STIM2: variants seen among roughly 807,000 people sequenced by gnomAD.
The protein encoded by STIM2 is stromal interaction molecule 2.
STIM2 carries 31 observed loss-of-function variants against 85.8 expected under a neutral mutation model. The observed-to-expected ratio is 0.36, with a 90% CI of 0.27 to 0.49. The LOEUF (loss-of-function observed/expected upper bound fraction) is 0.49, where lower values mean the gene tolerates loss of function less well. STIM2 is among the 20% of genes least tolerant of loss of function. The pLI, the probability that STIM2 is intolerant of heterozygous loss-of-function variation, is 0.98. For missense variants in STIM2, 841 were observed against 927.6 expected (o/e 0.91, Z 1.21); for synonymous variants, 356 against 331.1 (o/e 1.08, Z -0.82).
Position 27,021,423 on chromosome 4 carries a change from A to G in STIM2, c.1764-1096A>G, listed in dbSNP as rs116656993. On this transcript the variant is annotated intron_variant, in intron 11 of 11. Transcript: ENST00000467087. ...AGAAGTAAGCCACGTGGAGATGGAG[A>G]GTAGATAACACCAAGCAGAGGGAAC... The G allele has an allele frequency of 1.7e-3, 782 of 454,022 alleles. 7 individuals are homozygous for G. The highest frequency in any genetic ancestry group is 0.014 in the African/African-American group (716 of 50,114). The allele number at this position is 454,022 out of a possible 1,614,324, so 28.1% of individuals were successfully genotyped here. A position where few individuals can be genotyped will look rare whatever the true frequency, so the allele number is the denominator to read the frequency against.
At position 26,868,069 on chromosome 4, in the gene STIM2, G is replaced by A. The variant is rs115397103; in HGVS notation, c.151+6700G>A. On this transcript the variant is annotated intron_variant, in intron 1 of 11. Transcript: ENST00000467087. ...AGTAATTTCCTTTCTACTAGGCTTT[G>A]TCAGCCATATCCTTTAAAGTGAAAC... 1.5e-3 allele frequency among the ~76,000 whole-genome samples: 231 copies of A among 152,314 alleles called. 2 individuals carry two copies. The highest frequency in any genetic ancestry group is 9.5e-3 in the South Asian group (46 of 4,824).
At chr4:26,927,735 C>G (rs1389900980) in intron 2 of STIM2, among the ~76,000 whole-genome samples, 3 of 62,218 alleles carry the variant, frequency 4.8e-5, no homozygotes, top group Non-Finnish European at 6.6e-5. Context: ...ACTGACTGAA[C>G]TTAGCCAACT....
intron 1 of STIM2, among the ~76,000 whole-genome samples, chr4:26,873,153 A>G (rs558385983): frequency 1.1e-4 from 17 of 152,290 alleles, no homozygotes; most frequent in Admixed American, 1.0e-3. Flanking sequence ...TAATCCCCAC[A>G]CTTTGGGAGG....
chr4:26,922,929 A>G lies in STIM2; in HGVS notation c.282+3295A>G, dbSNP rs548719290. Among the ~76,000 whole-genome samples, 23 of 152,230 alleles carry G rather than the reference A, an allele frequency of 1.5e-4. No individual in the cohort carries two copies. The East Asian group carries it at 4.4e-3, about 29-fold the overall frequency. ...ACAAAGACCAAATATATTTCTCATT[A>G]TATATATTATATATTAACAGTAACC... On this transcript the variant is annotated intron_variant, in intron 2 of 11. Transcript: ENST00000467087.
intron 1 of STIM2, among the ~76,000 whole-genome samples, chr4:26,908,511 A>T (rs1443834543): frequency 6.6e-6 from 1 of 152,130 alleles, no homozygotes; most frequent in Non-Finnish European, 1.5e-5. Context: ...TTTGAGACAG[A>T]GTCTTGCTGT....
chr4:26,930,605 A>G (rs986041208), intron 2 of STIM2, among the ~76,000 whole-genome samples: 4 of 152,172 alleles, frequency 2.6e-5, no homozygotes, highest in Non-Finnish European at 4.4e-5. Context: ...TTCACAATAC[A>G]TTCTTTGCCA....
rs1185242366 is a variant in STIM2 at position 27,013,954 on chromosome 4, A to T, written c.1490-3757A>T. On this transcript the variant is annotated intron_variant, in intron 10 of 11. Transcript: ENST00000467087. Reference sequence around the variant, plus strand: ...ACTTCTTTAATGATTAAAAGTGTAGATTTGTGAAGTTACATGTTTCTAGAA... The same window carrying T: ...ACTTCTTTAATGATTAAAAGTGTAGTTTTGTGAAGTTACATGTTTCTAGAA... Among the ~76,000 whole-genome samples the T allele has an allele frequency of 2.0e-5, 3 of 152,000 alleles. No individual in the cohort carries two copies. In the East Asian group the frequency reaches 5.8e-4, roughly 29 times the overall value.
chr4:26,905,534 C>G (rs989206006), intron 1 of STIM2, among the ~76,000 whole-genome samples: 1 of 152,096 alleles, frequency 6.6e-6, no homozygotes, highest in Non-Finnish European at 1.5e-5. Flanking sequence ...GAAGAATAAT[C>G]AAGAAAGAGT....
chr4:26,913,839 A>G (rs1237336828), intron 1 of STIM2, among the ~76,000 whole-genome samples: 2 of 152,224 alleles, frequency 1.3e-5, no homozygotes, highest in Non-Finnish European at 2.9e-5. Context: ...GGAATGATCA[A>G]AACAAAGCCT....
intron 11 of STIM2, among the ~76,000 whole-genome samples, chr4:27,020,464 A>C (rs1017312315): frequency 1.3e-5 from 2 of 152,220 alleles, no homozygotes; most frequent in African/African-American, 2.4e-5. Context: ...TTATAAAAGC[A>C]TTTGAGAATT....
intron 11 of STIM2, among the ~76,000 whole-genome samples, chr4:27,018,841 C>T (rs542201885): frequency 6.6e-6 from 1 of 152,322 alleles, no homozygotes; most frequent in East Asian, 1.9e-4. Context: ...ATATGACTGA[C>T]TTAAAAATAT....
At chr4:26,981,505 T>C (rs1187691757) in intron 3 of STIM2, among the ~76,000 whole-genome samples, 1 of 152,200 alleles carries the variant, frequency 6.6e-6, no homozygotes, top group Admixed American at 6.5e-5. Flanking sequence ...TAGAGAAAAG[T>C]TGCAGGACCA....
intron 1 of STIM2, among the ~76,000 whole-genome samples, chr4:26,910,977 C>T (rs1358691592): frequency 6.6e-6 from 1 of 152,142 alleles, no homozygotes; most frequent in Non-Finnish European, 1.5e-5. Flanking sequence ...TGGCTCACGC[C>T]TGTAATCCCA....
At chr4:26,990,963 C>T (rs779212928) in intron 3 of STIM2, among the ~76,000 whole-genome samples, 3 of 152,066 alleles carry the variant, frequency 2.0e-5, no homozygotes, top group Non-Finnish European at 4.4e-5. Context: ...GAAAGGGGAA[C>T]TCTTACATAC....
At chr4:26,984,192 C>A (rs543062838) in intron 3 of STIM2, among the ~76,000 whole-genome samples, 1 of 152,152 alleles carries the variant, frequency 6.6e-6, no homozygotes, top group Admixed American at 6.5e-5. Flanking sequence ...TCCATTCACT[C>A]GTCCAATAAA....
chr4:26,933,122 C>T (rs1402015721), intron 2 of STIM2, among the ~76,000 whole-genome samples: 5 of 150,910 alleles, frequency 3.3e-5, no homozygotes, highest in African/African-American at 9.8e-5. Context: ...GATATATTAG[C>T]GCTTAATGCA....
chr4:26,887,556 C>T (rs981882218), intron 1 of STIM2, among the ~76,000 whole-genome samples: 1 of 152,064 alleles, frequency 6.6e-6, no homozygotes, highest in African/African-American at 2.4e-5. Flanking sequence ...TTCTTTGTTG[C>T]ATTAAACTAA....
At chr4:26,886,100 T>C (rs1723238071) in intron 1 of STIM2, among the ~76,000 whole-genome samples, 1 of 151,888 alleles carries the variant, frequency 6.6e-6, no homozygotes, top group Admixed American at 6.6e-5. Context: ...AGAGGAGAAC[T>C]GTGACGGGCA....
At chr4:26,889,011 T>C (rs1305884790) in intron 1 of STIM2, among the ~76,000 whole-genome samples, 3 of 152,096 alleles carry the variant, frequency 2.0e-5, no homozygotes, top group Non-Finnish European at 4.4e-5. Context: ...AATCATTCTA[T>C]CTCCCAGTGG....
Sources: gnomAD v4.1 joint callset for allele counts (sites outside exome capture counted in the v4.1 genomes callset) on GRCh38, gnomAD v4.1.1 for gene constraint, MANE v1.5 for transcripts, NCBI Gene and HGNC (gene_info 2026-07-23, HGNC 2026-07-21) for gene names.